SORCS2: variants seen among roughly 807,000 people sequenced by gnomAD.
SORCS2 encodes VPS10 domain-containing receptor SorCS2.
Under a neutral mutation model 141.6 loss-of-function variants are expected in SORCS2, and 100 were observed. That is an observed-to-expected ratio of 0.71 (90% CI 0.60 to 0.83). The LOEUF (loss-of-function observed/expected upper bound fraction) is 0.83, where lower values mean the gene tolerates loss of function less well. Among genes scored for constraint, SORCS2 ranks in the 40% least tolerant of loss-of-function variants. SORCS2 has a pLI of 0.00. For missense variants in SORCS2, 1,646 were observed against 1,560.2 expected (o/e 1.05, Z -0.93); for synonymous variants, 789 against 676.9 (o/e 1.17, Z -2.57).
At chr4:7,451,906 T>C (rs1042746773) in intron 2 of SORCS2, among the ~76,000 whole-genome samples, 1 of 152,076 alleles carries the variant, frequency 6.6e-6, no homozygotes, top group Non-Finnish European at 1.5e-5. Context: ...AGCACCTTCC[T>C]CCTCCCAGGA....
chr4:7,476,332 T>C (rs1003690762), intron 2 of SORCS2, among the ~76,000 whole-genome samples: 2 of 152,174 alleles, frequency 1.3e-5, no homozygotes, highest in Non-Finnish European at 2.9e-5. Context: ...GCCTGCAGGC[T>C]GGTAACTGAG....
chr4:7,638,005 T>G (rs1720380705), intron 3 of SORCS2, among the ~76,000 whole-genome samples: 1 of 152,182 alleles, frequency 6.6e-6, no homozygotes, highest in Non-Finnish European at 1.5e-5. Flanking sequence ...AGATTCACAC[T>G]GAGCCGGTCA....
At chr4:7,682,340 C>T (rs1723576530) in intron 9 of SORCS2, among the ~76,000 whole-genome samples, 1 of 152,006 alleles carries the variant, frequency 6.6e-6, no homozygotes, top group Non-Finnish European at 1.5e-5. Context: ...ATGTGTGGTC[C>T]AATAGAAAGA....
chr4:7,397,695 G>A (rs10005455), intron 2 of SORCS2, among the ~76,000 whole-genome samples: 27,745 of 152,120 alleles, frequency 0.18, 2,832 homozygotes, highest in Non-Finnish European at 0.23. Flanking sequence ...TGTAAGCTCC[G>A]TGGGCCCTGT....
At chr4:7,215,716 G>C (rs1441017235) in intron 1 of SORCS2, among the ~76,000 whole-genome samples, 1 of 152,194 alleles carries the variant, frequency 6.6e-6, no homozygotes, top group African/African-American at 2.4e-5. Context: ...GTCTAGCTCA[G>C]GGTTTGTGAG....
chr4:7,645,787 T>C (rs1721034514), intron 4 of SORCS2, among the ~76,000 whole-genome samples: 1 of 152,214 alleles, frequency 6.6e-6, no homozygotes, highest in Non-Finnish European at 1.5e-5. Flanking sequence ...TGATGGCTTC[T>C]TACCATAGCT....
chr4:7,541,626 C>T (rs1320872864), intron 3 of SORCS2, among the ~76,000 whole-genome samples: 1 of 152,168 alleles, frequency 6.6e-6, no homozygotes, highest in African/African-American at 2.4e-5. Flanking sequence ...AGTGGTCTGC[C>T]CTTTTTCTTG....
At chr4:7,550,076 C>T (rs1560378600) in intron 3 of SORCS2, among the ~76,000 whole-genome samples, 1 of 141,516 alleles carries the variant, frequency 7.1e-6, no homozygotes, top group Admixed American at 7.6e-5. Flanking sequence ...AGCTCCTCTT[C>T]ACACCTGCCG....
intron 1 of SORCS2, among the ~76,000 whole-genome samples, chr4:7,230,906 T>C (rs1425485199): frequency 6.6e-6 from 1 of 152,230 alleles, no homozygotes; most frequent in Non-Finnish European, 1.5e-5. Context: ...TGTGCTCTTG[T>C]ATGAAGGAGA....
chr4:7,474,584 G>T (rs1292783468), intron 2 of SORCS2, among the ~76,000 whole-genome samples: 3 of 152,172 alleles, frequency 2.0e-5, no homozygotes, highest in African/African-American at 7.2e-5. Context: ...TCTGCATGGG[G>T]TGCTGGGTGG....
intron 16 of SORCS2, among the ~76,000 whole-genome samples, chr4:7,714,666 C>T (rs897859516): frequency 3.3e-5 from 5 of 152,318 alleles, no homozygotes; most frequent in South Asian, 4.1e-4. Context: ...ATCTTGGGGA[C>T]GTGCTGCACC....
chr4:7,652,940 C>G (rs1441037724), intron 4 of SORCS2, among the ~76,000 whole-genome samples: 1 of 152,218 alleles, frequency 6.6e-6, no homozygotes, highest in Non-Finnish European at 1.5e-5. Context: ...GGGCCTGTCA[C>G]CATGTTCTTT....
intron 3 of SORCS2, among the ~76,000 whole-genome samples, chr4:7,556,399 G>A (rs1435392897): frequency 6.6e-6 from 1 of 152,046 alleles, no homozygotes; most frequent in African/African-American, 2.4e-5. Context: ...AGACACTCGC[G>A]CAGCCTCTGT....
intron 12 of SORCS2, among the ~76,000 whole-genome samples, chr4:7,698,886 A>G (rs1390580393): frequency 4.0e-5 from 6 of 150,746 alleles, no homozygotes; most frequent in African/African-American, 1.5e-4. Context: ...TGGGCTGAGG[A>G]GGAAGGATGT....
intron 3 of SORCS2, among the ~76,000 whole-genome samples, chr4:7,543,776 CCATCCACT>C (rs1712957143): frequency 3.1e-5 from 3 of 96,188 alleles, no homozygotes; most frequent in South Asian, 5.0e-4. Context: ...ATCCGTCCAT[CCATCCACT>C]CATCCATCCA....
At chr4:7,608,106 C>T (rs1718174668) in intron 3 of SORCS2, among the ~76,000 whole-genome samples, 1 of 152,134 alleles carries the variant, frequency 6.6e-6, no homozygotes, top group Admixed American at 6.5e-5. Flanking sequence ...CTCTGGGCAC[C>T]CCTGGGAGCT....
At chr4:7,461,072 A>G (rs551138386) in intron 2 of SORCS2, among the ~76,000 whole-genome samples, 3 of 152,290 alleles carry the variant, frequency 2.0e-5, no homozygotes, top group African/African-American at 7.2e-5. Flanking sequence ...AGCTTCTTCA[A>G]GATGCCCTGC....
chr4:7,647,905 A>G (rs1419188464), intron 4 of SORCS2, among the ~76,000 whole-genome samples: 1 of 152,188 alleles, frequency 6.6e-6, no homozygotes, highest in African/African-American at 2.4e-5. Flanking sequence ...ACCGTGGTAA[A>G]GCTTTGCTGC....
At chr4:7,514,374 G>T (rs1326039292) in intron 2 of SORCS2, among the ~76,000 whole-genome samples, 2 of 152,122 alleles carry the variant, frequency 1.3e-5, no homozygotes, top group African/African-American at 2.4e-5. Flanking sequence ...GCTTCCTGGG[G>T]TGTGGGGTGA....
Sources: allele counts gnomAD v4.1 joint callset (sites outside exome capture counted in the v4.1 genomes callset), GRCh38; gene constraint gnomAD v4.1.1; transcripts MANE v1.5; gene names NCBI Gene and HGNC (gene_info 2026-07-23, HGNC 2026-07-21).